Variants in VEPH1 observed in about 807,000 individuals in gnomAD.
The protein encoded by VEPH1 is ventricular zone-expressed PH domain-containing protein homolog 1.
Under a neutral mutation model 85.2 loss-of-function variants are expected in VEPH1, and 80 were observed. The ratio of observed to expected loss-of-function variants is 0.94; its 90% CI spans 0.78 to 1.13. The LOEUF (loss-of-function observed/expected upper bound fraction) is 1.13. Among genes scored for constraint, VEPH1 ranks in the 50% most tolerant of loss-of-function variants. The pLI is 0.00. For synonymous variants in VEPH1, 297 were observed against 348.0 expected, an observed-to-expected ratio of 0.85 and a Z score of 1.63; for missense variants, 955 against 980.5, an observed-to-expected ratio of 0.97 and a Z score of 0.35.
At chr3:157,405,231 G>T (rs1731059741) in intron 6 of VEPH1, among the ~76,000 whole-genome samples, 1 of 152,044 alleles carries the variant, frequency 6.6e-6, no homozygotes, top group Admixed American at 6.6e-5. Context: ...CTGTGGATTT[G>T]GTCAGTTGGC....
intron 1 of VEPH1, among the ~76,000 whole-genome samples, chr3:157,498,581 T>G (rs575419777): frequency 6.6e-6 from 1 of 151,834 alleles, no homozygotes; most frequent in Non-Finnish European, 1.5e-5. Flanking sequence ...TCTCCCAGGA[T>G]AGTTGTATTC....
chr3:157,446,724 A>G (rs1374130072), intron 4 of VEPH1, among the ~76,000 whole-genome samples: 1 of 152,236 alleles, frequency 6.6e-6, no homozygotes, highest in Non-Finnish European at 1.5e-5. Flanking sequence ...AGGTAATTGT[A>G]TATGTTCATT....
At chr3:157,332,012 G>A (rs949976844) in intron 9 of VEPH1, among the ~76,000 whole-genome samples, 1 of 152,124 alleles carries the variant, frequency 6.6e-6, no homozygotes, top group Non-Finnish European at 1.5e-5. Flanking sequence ...TTCACAATTT[G>A]GGAATAGTAA....
At chr3:157,345,635 A>T (rs1724125390) in intron 9 of VEPH1, among the ~76,000 whole-genome samples, 1 of 152,208 alleles carries the variant, frequency 6.6e-6, no homozygotes, top group African/African-American at 2.4e-5. Context: ...TTCCTCAAGG[A>T]TCTAGAACTA....
intron 11 of VEPH1, among the ~76,000 whole-genome samples, chr3:157,289,582 C>A (rs927000170): frequency 6.6e-6 from 1 of 152,178 alleles, no homozygotes; most frequent in African/African-American, 2.4e-5. Context: ...CAAACACAAA[C>A]CAACAACCAG....
chr3:157,465,490 A>AT (rs1380458880), intron 3 of VEPH1, among the ~76,000 whole-genome samples: 1 of 152,188 alleles, frequency 6.6e-6, no homozygotes, highest in Admixed American at 6.5e-5. Flanking sequence ...TAATATCTGC[A>AT]TTTTACATAT....
intron 11 of VEPH1, among the ~76,000 whole-genome samples, chr3:157,302,568 T>A (rs1444943674): frequency 6.6e-6 from 1 of 152,212 alleles, no homozygotes; most frequent in Non-Finnish European, 1.5e-5. Context: ...AGCCAGAAAG[T>A]GGGCCCGCAC....
At chr3:157,386,490 G>A (rs1160225171) in intron 6 of VEPH1, among the ~76,000 whole-genome samples, 1 of 152,076 alleles carries the variant, frequency 6.6e-6, no homozygotes, top group African/African-American at 2.4e-5. Flanking sequence ...GTTTCCAGGG[G>A]GAGGCAGTGG....
At chr3:157,452,667 T>G (rs968662121) in intron 4 of VEPH1, among the ~76,000 whole-genome samples, 2 of 113,306 alleles carry the variant, frequency 1.8e-5, no homozygotes, top group East Asian at 2.7e-4. Flanking sequence ...AACATCTATA[T>G]GTACATATGA....
intron 9 of VEPH1, among the ~76,000 whole-genome samples, chr3:157,356,577 C>T (rs1468869395): frequency 2.6e-5 from 4 of 152,110 alleles, no homozygotes; most frequent in Non-Finnish European, 5.9e-5. Context: ...CTCCTCCACC[C>T]CCACCTTTTC....
intron 4 of VEPH1, among the ~76,000 whole-genome samples, chr3:157,457,002 T>C (rs889820550): frequency 1.3e-5 from 2 of 152,226 alleles, no homozygotes; most frequent in Admixed American, 6.5e-5. Flanking sequence ...CTCCTATCCA[T>C]GAGTATAGAA....
chr3:157,322,954 T>C (rs184928436), intron 9 of VEPH1, among the ~76,000 whole-genome samples: 2 of 152,204 alleles, frequency 1.3e-5, no homozygotes, highest in Non-Finnish European at 2.9e-5. Flanking sequence ...AAGTATGTTT[T>C]TGAAGTCAAC....
intron 2 of VEPH1, among the ~76,000 whole-genome samples, chr3:157,483,878 T>C (rs55725251): frequency 0.025 from 3,757 of 152,268 alleles, 70 homozygotes; most frequent in Non-Finnish European, 0.037. Context: ...ACTGAGTGAA[T>C]AAATATCATT....
Position 157,470,358 on chromosome 3 carries a change from G to T in VEPH1, c.310C>A (p.Pro104Thr), listed in dbSNP as rs146517115. The change falls in exon 3 of 14, where the codon CCT becomes ACT. Residue 104 changes from proline (P) to threonine (T), a missense_variant. Pro to Thr is a conservative substitution (Grantham distance 38, BLOSUM62 -1). Coordinates refer to ENST00000362010, the MANE Select transcript of VEPH1 (RefSeq NM_001167912.2). ...LRPFGKDEDT[P>T]HAKIASDIMS... ...ATATCAGATGCGATTTTTGCATGAG[G>T]AGTGTCTTCGTCTTTCCCAAAGGGT... 4 of 1,613,948 alleles carry T rather than the reference G, an allele frequency of 2.5e-6. No homozygotes were observed. In the African/African-American group the frequency reaches 5.3e-5, roughly 22 times the overall value.
intron 4 of VEPH1, chr3:157,442,236 C>T (rs542835849): frequency 2.1e-5 from 18 of 850,052 alleles, no homozygotes; most frequent in African/African-American, 3.4e-5. Flanking sequence ...CTTCTTAAGT[C>T]GTAATGTAGG....
chr3:157,381,327 A>G lies in VEPH1; in HGVS notation c.956T>C (p.Met319Thr), dbSNP rs1317843920. 5 of 1,614,222 alleles carry G rather than the reference A, an allele frequency of 3.1e-6. No individual in the cohort carries two copies. Among genetic ancestry groups the G allele is most frequent in the African/African-American group, 1.3e-5 (1 of 75,056 alleles). ...LTYLVSQLAN[M>T]EHSFHHILLL... ...GAGAATATGGTGAAACGAATGCTCCATGTTGGCCAGTTGGCTCACCAGGTA... is the reference window on the plus strand; with the variant it reads ...GAGAATATGGTGAAACGAATGCTCCGTGTTGGCCAGTTGGCTCACCAGGTA... Residue 319 changes from methionine (M) to threonine (T), a missense_variant, in exon 7 of 14, where the codon ATG becomes ACG. By Grantham distance (81) the Met-to-Thr change is moderately conservative. Transcript: ENST00000362010.
chr3:157,414,872 G>C (rs1160630597), intron 5 of VEPH1, among the ~76,000 whole-genome samples: 1 of 152,114 alleles, frequency 6.6e-6, no homozygotes, highest in East Asian at 1.9e-4. Flanking sequence ...ATTTCTGTTT[G>C]TTTGTTTCTT....
At chr3:157,288,219 C>T (rs1317882871) in intron 11 of VEPH1, among the ~76,000 whole-genome samples, 1 of 152,196 alleles carries the variant, frequency 6.6e-6, no homozygotes, top group African/African-American at 2.4e-5. Flanking sequence ...ATTGGCCTTG[C>T]ATGTACCCAG....
chr3:157,471,111 A>C (rs1736910626), intron 2 of VEPH1, among the ~76,000 whole-genome samples: 1 of 152,210 alleles, frequency 6.6e-6, no homozygotes, highest in Non-Finnish European at 1.5e-5. Context: ...AAAACATCTA[A>C]ATGTGAAAAA....
Sources: allele counts gnomAD v4.1 joint callset (sites outside exome capture counted in the v4.1 genomes callset), GRCh38; gene constraint gnomAD v4.1.1; transcripts MANE v1.5; gene names NCBI Gene and HGNC (gene_info 2026-07-23, HGNC 2026-07-21).